Variants in AGBL1 observed in about 807,000 individuals in gnomAD.
The protein encoded by AGBL1 is cytosolic carboxypeptidase 4.
A neutral mutation model predicts 118.9 loss-of-function variants in AGBL1; 130 were observed. The ratio of observed to expected loss-of-function variants is 1.09; its 90% CI spans 0.95 to 1.26. AGBL1 has a LOEUF of 1.26. Ranked by LOEUF, AGBL1 falls within the 50% of genes most tolerant of loss-of-function variation. AGBL1 has a pLI of 0.00. For missense variants in AGBL1, 1,584 were observed against 1,298.1 expected, an observed-to-expected ratio of 1.22 and a Z score of -3.38; for synonymous variants, 555 against 478.9, an observed-to-expected ratio of 1.16 and a Z score of -2.08.
chr15:86,737,037 C>T (rs1159690744), intron 22 of AGBL1, among the ~76,000 whole-genome samples: 2 of 152,154 alleles, frequency 1.3e-5, no homozygotes, highest in Admixed American at 1.3e-4. Flanking sequence ...TTTATATGCC[C>T]TGTACTGTGC....
chr15:86,674,832 G>C (rs2085809635), intron 22 of AGBL1, among the ~76,000 whole-genome samples: 1 of 152,074 alleles, frequency 6.6e-6, no homozygotes. Context: ...GGCACCTGGA[G>C]ACAAGAAATG....
intron 16 of AGBL1, among the ~76,000 whole-genome samples, chr15:86,282,843 A>G (rs549166650): frequency 4.4e-4 from 67 of 152,352 alleles, no homozygotes; most frequent in African/African-American, 1.5e-3. Context: ...TGTGGAATTC[A>G]TAATTTGCGA....
intron 22 of AGBL1, among the ~76,000 whole-genome samples, chr15:86,721,481 G>A (rs539698270): frequency 6.6e-6 from 1 of 152,258 alleles, no homozygotes; most frequent in East Asian, 1.9e-4. Context: ...AATAAATTAG[G>A]TATTGATGGA....
chr15:86,710,283 C>G (rs72763972), intron 22 of AGBL1, among the ~76,000 whole-genome samples: 1 of 151,940 alleles, frequency 6.6e-6, no homozygotes, highest in Non-Finnish European at 1.5e-5. Flanking sequence ...GGGTGATGCA[C>G]GTGATTAGAG....
intron 4 of AGBL1, among the ~76,000 whole-genome samples, chr15:86,155,644 A>G (rs555553889): frequency 3.9e-5 from 6 of 152,228 alleles, no homozygotes; most frequent in African/African-American, 1.4e-4. Flanking sequence ...TTCCCTTCCT[A>G]TGAAATGAAA....
At chr15:86,087,530 TGTTGGCCAGAGCTGGTCTG>T (rs2141452515) in intron 1 of AGBL1, among the ~76,000 whole-genome samples, 1 of 152,296 alleles carries the variant, frequency 6.6e-6, no homozygotes, top group Non-Finnish European at 1.5e-5. Context: ...GGTTTTACCA[TGTTGGCCAGAGCTGGTCTG>T]GAACTCCTGA....
chr15:86,799,212 T>C (rs914674511), intron 22 of AGBL1, among the ~76,000 whole-genome samples: 24 of 152,100 alleles, frequency 1.6e-4, no homozygotes, highest in African/African-American at 4.6e-4. Flanking sequence ...AGTTTTAGGG[T>C]ACATGTGCAC....
At chr15:86,342,536 T>C (rs572231185) in intron 17 of AGBL1, among the ~76,000 whole-genome samples, 1 of 152,206 alleles carries the variant, frequency 6.6e-6, no homozygotes, top group Non-Finnish European at 1.5e-5. Flanking sequence ...AACTCTCATG[T>C]GGATGCCTGC....
At chr15:86,109,709 A>G (rs1897250067) in intron 1 of AGBL1, 1 of 152,244 alleles carries the variant, frequency 6.6e-6, no homozygotes, top group Non-Finnish European at 1.5e-5. Context: ...GTTTTGAAAG[A>G]GCATTTTATA....
chr15:86,107,427 A>G lies in AGBL1; in HGVS notation c.51+27404A>G, dbSNP rs540342791. ...TCTTTAAACCTTAGTGTCCTCATCT[A>G]TAAAATGAGGAAAATGATACCTACC... On this transcript the variant is annotated intron_variant, in intron 1 of 22. Coordinates refer to ENST00000614907, the MANE Select transcript of AGBL1 (RefSeq NM_001386094.1). 4.6e-5 allele frequency: 7 copies of G among 152,346 alleles called. No homozygotes were observed. The South Asian group carries it at 1.4e-3, about 32-fold the overall frequency. The allele number at this position is 152,346 out of a possible 1,614,324, so 9.4% of individuals were successfully genotyped here.
chr15:86,818,152 G>A (rs1013895335), intron 22 of AGBL1, among the ~76,000 whole-genome samples: 1 of 152,184 alleles, frequency 6.6e-6, no homozygotes, highest in Non-Finnish European at 1.5e-5. Flanking sequence ...AGTGTTGGGA[G>A]ATGGTATGGG....
At position 86,449,294 on chromosome 15, in the gene AGBL1, C is replaced by T. The variant is rs569885821; in HGVS notation, c.2555+51748C>T. On this transcript the variant is annotated intron_variant, in intron 18 of 22. Transcript: ENST00000614907. ...GAATATACCTTAGAAGGATCAAAGG[C>T]ATTTTTTCTCTCCCAAGCAAAGAAA... Among the ~76,000 whole-genome samples the T allele has an allele frequency of 1.1e-3, 168 of 152,294 alleles. 2 individuals carry two copies. The highest frequency in any genetic ancestry group is 2.3e-3 in the Non-Finnish European group (154 of 68,026).
At chr15:86,755,985 AT>A (rs2077933353) in intron 22 of AGBL1, among the ~76,000 whole-genome samples, 1 of 152,078 alleles carries the variant, frequency 6.6e-6, no homozygotes, top group Non-Finnish European at 1.5e-5. Context: ...AGAGGCTGGA[AT>A]TTCCCCATGC....
intron 24 of AGBL1, among the ~76,000 whole-genome samples, chr15:87,011,283 G>C (rs1405460353): frequency 6.6e-6 from 1 of 152,160 alleles, no homozygotes; most frequent in Non-Finnish European, 1.5e-5. Flanking sequence ...ATGGAGAAGA[G>C]GCCCACTCCC....
intron 22 of AGBL1, among the ~76,000 whole-genome samples, chr15:86,694,342 AT>A (rs915294785): frequency 6.6e-6 from 1 of 151,378 alleles, no homozygotes; most frequent in Non-Finnish European, 1.5e-5. Context: ...TAAGTATTTA[AT>A]TTTTTTTGCA....
chr15:86,368,237 A>G (rs987746592), intron 17 of AGBL1, among the ~76,000 whole-genome samples: 2 of 152,088 alleles, frequency 1.3e-5, no homozygotes, highest in East Asian at 1.9e-4. Flanking sequence ...GTGAGGGAAG[A>G]CAAAAACAGC....
intron 18 of AGBL1, among the ~76,000 whole-genome samples, chr15:86,442,575 C>T (rs1001486683): frequency 1.5e-4 from 23 of 152,184 alleles, no homozygotes; most frequent in African/African-American, 5.3e-4. Context: ...TGTTGGTAAG[C>T]CGCTTTCTCT....
intron 18 of AGBL1, among the ~76,000 whole-genome samples, chr15:86,424,937 T>G (rs2081846096): frequency 6.6e-6 from 1 of 152,144 alleles, no homozygotes; most frequent in African/African-American, 2.4e-5. Flanking sequence ...TTTACACTGT[T>G]GGTGGGAGTG....
intron 21 of AGBL1, among the ~76,000 whole-genome samples, chr15:86,643,595 AAAG>A (rs1555433298): frequency 6.6e-6 from 1 of 152,112 alleles, no homozygotes; most frequent in Non-Finnish European, 1.5e-5. Context: ...TATTTTTTAA[AAAG>A]AACTGATTAT....
Sources: allele counts gnomAD v4.1 joint callset (sites outside exome capture counted in the v4.1 genomes callset), GRCh38; gene constraint gnomAD v4.1.1; transcripts MANE v1.5; gene names NCBI Gene and HGNC (gene_info 2026-07-23, HGNC 2026-07-21).